LRRFIP2: variants seen among roughly 807,000 people sequenced by gnomAD.
LRRFIP2 encodes the protein LRR binding FLII interacting protein 2.
Under a neutral mutation model 125.9 loss-of-function variants are expected in LRRFIP2, and 109 were observed. The observed-to-expected ratio is 0.87, with a 90% CI of 0.74 to 1.01. LRRFIP2 has a LOEUF of 1.01. LRRFIP2 is among the 50% of genes least tolerant of loss of function. LRRFIP2 has a pLI of 0.00. For missense variants in LRRFIP2, 850 were observed against 862.3 expected (o/e 0.99, Z 0.18); for synonymous variants, 291 against 293.1 (o/e 0.99, Z 0.07).
intron 20 of LRRFIP2, 139 bp from the exon 21 acceptor site, chr3:37,073,021 T>C (rs2091497964): frequency 1.8e-6 from 1 of 568,518 alleles, no homozygotes. Context: ...AAAAGCAAAA[T>C]TGGTCTGCCA....
At chr3:37,069,563 A>G (rs1274236729) in intron 21 of LRRFIP2, among the ~76,000 whole-genome samples, 1 of 152,196 alleles carries the variant, frequency 6.6e-6, no homozygotes, top group Non-Finnish European at 1.5e-5. Flanking sequence ...GGTTTGGGAG[A>G]AGGGACTGAA....
intron 18 of LRRFIP2, among the ~76,000 whole-genome samples, chr3:37,090,885 A>C (rs1210118143): frequency 2.0e-5 from 3 of 152,228 alleles, no homozygotes; most frequent in Non-Finnish European, 4.4e-5. Flanking sequence ...ATGGTGTCTC[A>C]GTTGCTACTT....
intron 1 of LRRFIP2, among the ~76,000 whole-genome samples, chr3:37,149,798 C>G (rs574426432): frequency 6.6e-6 from 1 of 151,162 alleles, no homozygotes; most frequent in African/African-American, 2.4e-5. Flanking sequence ...GCCAGGAGTT[C>G]GAGACCAGCC....
intron 23 of LRRFIP2, chr3:37,065,521 C>G (rs79838285): frequency 0.042 from 23,028 of 547,086 alleles, 679 homozygotes; most frequent in Non-Finnish European, 0.056. Context: ...TAGACTATCT[C>G]TTTGCAGAAC....
chr3:37,127,499 A>T, intron 4 of LRRFIP2, 131 bp downstream of exon 4: 2 of 850,476 alleles, frequency 2.4e-6, no homozygotes, highest in Non-Finnish European at 3.9e-6. Flanking sequence ...TAGACAGAAT[A>T]GACACTCTGA....
At chr3:37,161,351 G>A (rs1172784471) in intron 1 of LRRFIP2, among the ~76,000 whole-genome samples, 1 of 151,566 alleles carries the variant, frequency 6.6e-6, no homozygotes, top group Non-Finnish European at 1.5e-5. Context: ...AAGCAAGACT[G>A]TTTCAAGAAA....
chr3:37,074,600 A>G (rs1396374964), intron 20 of LRRFIP2, among the ~76,000 whole-genome samples: 1 of 152,220 alleles, frequency 6.6e-6, no homozygotes, highest in Non-Finnish European at 1.5e-5. Flanking sequence ...ACCTTTTTGT[A>G]CAGAACGTAT....
intron 2 of LRRFIP2, among the ~76,000 whole-genome samples, chr3:37,148,207 T>A (rs1414863590): frequency 6.6e-6 from 1 of 152,184 alleles, no homozygotes; most frequent in Non-Finnish European, 1.5e-5. Flanking sequence ...TACATGGAAC[T>A]CAAGTAACCC....
chr3:37,142,106 T>C (rs2095717300), intron 2 of LRRFIP2, among the ~76,000 whole-genome samples: 1 of 152,054 alleles, frequency 6.6e-6, no homozygotes, highest in African/African-American at 2.4e-5. Flanking sequence ...ATAGTTTCTT[T>C]GTATTTCTCT....
At chr3:37,150,200 C>T (rs906104027) in intron 1 of LRRFIP2, among the ~76,000 whole-genome samples, 16 of 152,132 alleles carry the variant, frequency 1.1e-4, no homozygotes, top group African/African-American at 3.4e-4. Flanking sequence ...CGGTGGCTCA[C>T]GCCTGTAATC....
At chr3:37,171,055 C>G (rs2096579683) in intron 1 of LRRFIP2, 1 of 152,292 alleles carries the variant, frequency 6.6e-6, no homozygotes, top group Non-Finnish European at 1.5e-5. Flanking sequence ...GCGTGGGCAT[C>G]AGAGTGAGAC....
chr3:37,146,988 G>A (rs564441647), intron 2 of LRRFIP2, among the ~76,000 whole-genome samples: 2 of 151,590 alleles, frequency 1.3e-5, no homozygotes, highest in South Asian at 4.2e-4. Flanking sequence ...CTAATATCCA[G>A]AATCTACAAG....
intron 1 of LRRFIP2, among the ~76,000 whole-genome samples, chr3:37,159,913 C>G (rs538840921): frequency 7.1e-6 from 1 of 140,078 alleles, no homozygotes; most frequent in South Asian, 2.3e-4. Context: ...GGTATAGTGG[C>G]TCACACCTGT....
chr3:37,165,158 C>A (rs900271823), intron 1 of LRRFIP2, among the ~76,000 whole-genome samples: 10 of 151,044 alleles, frequency 6.6e-5, no homozygotes, highest in African/African-American at 2.4e-4. Flanking sequence ...TGGCGTGAAC[C>A]TGGGAGGCGG....
chr3:37,057,504 T>C (rs1320360819), intron 25 of LRRFIP2, among the ~76,000 whole-genome samples: 1 of 151,702 alleles, frequency 6.6e-6, no homozygotes, highest in Non-Finnish European at 1.5e-5. Flanking sequence ...AAGTTAGTAT[T>C]AATAAGCCTT....
chr3:37,054,964 C>A, intron 26 of LRRFIP2, 122 bp downstream of exon 26: 1 of 660,092 alleles, frequency 1.5e-6, no homozygotes. Flanking sequence ...GCTGGCTTTT[C>A]TATTTTAATA....
intron 18 of LRRFIP2, among the ~76,000 whole-genome samples, chr3:37,087,912 T>C (rs1003512254): frequency 3.9e-5 from 6 of 152,136 alleles, no homozygotes; most frequent in African/African-American, 1.4e-4. Flanking sequence ...AAGTCACCGA[T>C]TTTCAAAGTG....
In LRRFIP2 at chr3:37,053,679, A is replaced by G. The variant is rs894060987; in HGVS notation, c.*172T>C. 1.0e-5 allele frequency: 6 copies of G among 589,752 alleles called. No homozygotes were observed. The highest frequency in any genetic ancestry group is 2.1e-5 in the South Asian group (1 of 46,942). The allele number at this position is 589,752 out of a possible 1,614,324, so 36.5% of individuals were successfully genotyped here. On this transcript the variant is annotated 3_prime_UTR_variant, in exon 28 of 28. Transcript: ENST00000336686. ...AACTACAACAAAATCCAAAGTGTTC[A>G]TTCATGTAGATTCAAAATGACTTCA...
At chr3:37,092,712 C>T (rs2093515320) in intron 17 of LRRFIP2, among the ~76,000 whole-genome samples, 1 of 152,236 alleles carries the variant, frequency 6.6e-6, no homozygotes, top group African/African-American at 2.4e-5. Context: ...TTAATACTGT[C>T]ACCTTCAAAC....
Sources: allele counts gnomAD v4.1 joint callset (sites outside exome capture counted in the v4.1 genomes callset), GRCh38; gene constraint gnomAD v4.1.1; transcripts MANE v1.5; gene names NCBI Gene and HGNC (gene_info 2026-07-23, HGNC 2026-07-21).